PLGRKT: variants seen among roughly 807,000 people sequenced by gnomAD.
PLGRKT encodes plasminogen receptor with a C-terminal lysine.
In PLGRKT, 22 loss-of-function variants were observed where a neutral mutation model predicts 18.5. The observed-to-expected ratio is 1.19, with a 90% CI of 0.85 to 1.70. The LOEUF (loss-of-function observed/expected upper bound fraction) is 1.70. Ranked by LOEUF, PLGRKT falls within the 40% of genes most tolerant of loss-of-function variation. The probability of loss-of-function intolerance (pLI) is 0.00; values close to 1 mark genes in which losing one functional copy is unlikely to be tolerated. For missense variants in PLGRKT, 235 were observed against 174.4 expected, an observed-to-expected ratio of 1.35 and a Z score of -1.96; for synonymous variants, 72 against 52.8, an observed-to-expected ratio of 1.36 and a Z score of -1.58.
At chr9:5,434,597 C>A (rs59509931) in intron 2 of PLGRKT, among the ~76,000 whole-genome samples, 2,293 of 150,966 alleles carry the variant, frequency 0.015, 69 homozygotes, top group African/African-American at 0.053. Flanking sequence ...TGCCTGGCCG[C>A]CCCCTCTGGG....
intron 3 of PLGRKT, among the ~76,000 whole-genome samples, chr9:5,382,443 G>A (rs887569689): frequency 6.6e-6 from 1 of 152,186 alleles, no homozygotes; most frequent in Non-Finnish European, 1.5e-5. Context: ...TGAGGGGCGA[G>A]AAATGGGGAG....
At chr9:5,393,688 A>G (rs1817991302) in intron 3 of PLGRKT, among the ~76,000 whole-genome samples, 1 of 151,728 alleles carries the variant, frequency 6.6e-6, no homozygotes, top group Non-Finnish European at 1.5e-5. Context: ...ACTAGTTTGT[A>G]GTTTTTGCTG....
chr9:5,425,895 TA>T (rs1818688435), intron 3 of PLGRKT, among the ~76,000 whole-genome samples: 1 of 152,234 alleles, frequency 6.6e-6, no homozygotes, highest in Non-Finnish European at 1.5e-5. Context: ...AGATTTTATT[TA>T]TTAGGCTTTA....
chr9:5,364,768 G>A (rs895275002), intron 3 of PLGRKT, among the ~76,000 whole-genome samples: 2 of 152,304 alleles, frequency 1.3e-5, no homozygotes, highest in South Asian at 2.1e-4. Flanking sequence ...GTCTACTGGA[G>A]ATGAGCAACA....
intron 3 of PLGRKT, among the ~76,000 whole-genome samples, chr9:5,403,537 C>T (rs1249702590): frequency 1.3e-5 from 2 of 152,172 alleles, no homozygotes; most frequent in Non-Finnish European, 2.9e-5. Flanking sequence ...GATTCTCATT[C>T]TTAATGGTGT....
chr9:5,400,645 C>G lies in PLGRKT; in HGVS notation c.81+31252G>C, dbSNP rs538617067. ...CACTGTGTAAAATAATTTGAACCAC[C>G]AGAACATATAAATATTATAAAAGTA... On this transcript the variant is annotated intron_variant, in intron 3 of 5. Coordinates refer to ENST00000223864, the MANE Select transcript of PLGRKT (RefSeq NM_018465.4). Among the ~76,000 whole-genome samples, 25 of 151,982 alleles carry G rather than the reference C, an allele frequency of 1.6e-4. 1 individual carries two copies. Among genetic ancestry groups the G allele is most frequent in the African/African-American group, 6.1e-4 (25 of 41,310 alleles).
intron 3 of PLGRKT, among the ~76,000 whole-genome samples, chr9:5,394,942 G>C (rs1394763124): frequency 1.3e-5 from 2 of 151,778 alleles, no homozygotes; most frequent in Non-Finnish European, 2.9e-5. Context: ...GAGGGAAGTG[G>C]GCAGAGGGGC....
chr9:5,408,279 T>G (rs1283483556), intron 3 of PLGRKT, among the ~76,000 whole-genome samples: 1 of 152,126 alleles, frequency 6.6e-6, no homozygotes. Flanking sequence ...ATGCTGATAG[T>G]GATATGGACA....
intron 3 of PLGRKT, among the ~76,000 whole-genome samples, chr9:5,389,213 G>A (rs1183308035): frequency 6.6e-6 from 1 of 151,942 alleles, no homozygotes; most frequent in Non-Finnish European, 1.5e-5. Flanking sequence ...GCAGGCAACA[G>A]TGAAAAATAG....
rs926923796 is a variant in PLGRKT, at chr9:5,393,003, G to A, written c.82-31115C>T. 3.3e-5 allele frequency among the ~76,000 whole-genome samples: 5 copies of A among 151,214 alleles called. No homozygotes were observed. The East Asian group carries it at 5.8e-4, about 18-fold the overall frequency. On this transcript the variant is annotated intron_variant, in intron 3 of 5. Transcript: ENST00000223864. ...ATTACAGGTGTGTGCCACCACACCC[G>A]GCTAATTTTTGTATTTTTATTAGAG...
At chr9:5,413,498 G>C (rs761508297) in intron 3 of PLGRKT, among the ~76,000 whole-genome samples, 1 of 152,202 alleles carries the variant, frequency 6.6e-6, no homozygotes, top group Non-Finnish European at 1.5e-5. Context: ...AAAAGTGAAA[G>C]ATGGAGGCAA....
At chr9:5,372,786 C>T (rs1386101218) in intron 3 of PLGRKT, among the ~76,000 whole-genome samples, 1 of 152,192 alleles carries the variant, frequency 6.6e-6, no homozygotes, top group Admixed American at 6.5e-5. Context: ...TGGAAATGTT[C>T]TCTGTGGCTT....
intron 3 of PLGRKT, among the ~76,000 whole-genome samples, chr9:5,408,841 C>T (rs1402482894): frequency 6.6e-6 from 1 of 152,370 alleles, no homozygotes; most frequent in African/African-American, 2.4e-5. Context: ...CACTGTTCCC[C>T]CACATCACAG....
chr9:5,372,679 G>A (rs1258704650), intron 3 of PLGRKT, among the ~76,000 whole-genome samples: 4 of 152,126 alleles, frequency 2.6e-5, no homozygotes, highest in East Asian at 1.9e-4. Context: ...ATGTCGTCTC[G>A]AAGCTTTTCA....
chr9:5,408,449 G>C (rs1187078181), intron 3 of PLGRKT, among the ~76,000 whole-genome samples: 1 of 152,226 alleles, frequency 6.6e-6, no homozygotes, highest in Admixed American at 6.5e-5. Flanking sequence ...ACGGTATCTG[G>C]TGGAAGAAAT....
At chr9:5,405,980 T>C (rs1278447788) in intron 3 of PLGRKT, among the ~76,000 whole-genome samples, 3 of 151,984 alleles carry the variant, frequency 2.0e-5, no homozygotes, top group Non-Finnish European at 2.9e-5. Context: ...AAAAAAGACA[T>C]ACATGCCGCC....
intron 3 of PLGRKT, among the ~76,000 whole-genome samples, chr9:5,416,816 G>A (rs1017660868): frequency 6.6e-6 from 1 of 152,220 alleles, no homozygotes; most frequent in African/African-American, 2.4e-5. Flanking sequence ...ACCTTTCTTT[G>A]CCATTTATCT....
chr9:5,369,251 T>G (rs1384346484), intron 3 of PLGRKT, among the ~76,000 whole-genome samples: 2 of 152,022 alleles, frequency 1.3e-5, no homozygotes, highest in East Asian at 3.8e-4. Context: ...AACTTAAATT[T>G]ACAAGAAAAA....
At chr9:5,430,603 T>C (rs192665961) in intron 3 of PLGRKT, among the ~76,000 whole-genome samples, 15 of 152,354 alleles carry the variant, frequency 9.8e-5, no homozygotes, top group Admixed American at 9.1e-4. Flanking sequence ...TTGAAGGGGA[T>C]ATTATTACCT....
Sources: gnomAD v4.1 joint callset for allele counts (sites outside exome capture counted in the v4.1 genomes callset) on GRCh38, gnomAD v4.1.1 for gene constraint, MANE v1.5 for transcripts, NCBI Gene and HGNC (gene_info 2026-07-23, HGNC 2026-07-21) for gene names.